The following TDRD12 variants were observed in gnomAD, a reference collection of about 807,000 sequenced individuals.
The protein encoded by TDRD12 is tudor domain containing 12.
A neutral mutation model predicts 133.5 loss-of-function variants in TDRD12; 158 were observed. That is an observed-to-expected ratio of 1.18 (90% confidence interval 1.04 to 1.35). The LOEUF is 1.35. TDRD12 is among the 40% of genes most tolerant of loss of function. TDRD12 has a pLI of 0.00. For missense variants in TDRD12, 1,443 were observed against 1,321.3 expected (o/e 1.09, Z -1.43); for synonymous variants, 460 against 477.9 (o/e 0.96, Z 0.49).
intron 2 of TDRD12, among the ~76,000 whole-genome samples, chr19:32,732,614 A>G (rs553991034): frequency 9.8e-5 from 15 of 152,292 alleles, no homozygotes; most frequent in African/African-American, 3.6e-4. Context: ...TTGCAGACTC[A>G]GCTCTCACTG....
intron 1 of TDRD12, among the ~76,000 whole-genome samples, chr19:32,722,393 A>G (rs1162078565): frequency 1.3e-5 from 2 of 151,906 alleles, no homozygotes; most frequent in Non-Finnish European, 2.9e-5. Flanking sequence ...ATCTGCCCCC[A>G]CTTCTGGCCC....
chr19:32,760,850 A>G (rs569684123), intron 8 of TDRD12, among the ~76,000 whole-genome samples: 34 of 152,186 alleles, frequency 2.2e-4, no homozygotes, highest in Non-Finnish European at 4.4e-4. Flanking sequence ...AATAATCACA[A>G]ACTTACAGAA....
chr19:32,796,445 C>T (rs933159527), intron 14 of TDRD12, among the ~76,000 whole-genome samples: 6 of 151,900 alleles, frequency 3.9e-5, no homozygotes, highest in South Asian at 2.1e-4. Context: ...ATTAGCTGGG[C>T]GTGGTGGCAC....
At chr19:32,724,018 T>C (rs539798843) in intron 1 of TDRD12, among the ~76,000 whole-genome samples, 1 of 151,888 alleles carries the variant, frequency 6.6e-6, no homozygotes, top group Non-Finnish European at 1.5e-5. Context: ...CCCCCACTCC[T>C]GGTTAATTAA....
chr19:32,739,033 C>A (rs114700340), intron 3 of TDRD12, 41 bp downstream of exon 3: 2 of 1,546,546 alleles, frequency 1.3e-6, no homozygotes, highest in African/African-American at 2.7e-5. Flanking sequence ...TTTTCAGAGA[C>A]AAATGTCAGT....
chr19:32,777,531 G>A (rs117152569), intron 11 of TDRD12, among the ~76,000 whole-genome samples: 3,927 of 152,074 alleles, frequency 0.026, 72 homozygotes, highest in Middle Eastern at 0.041. Context: ...TTTTGGGGCT[G>A]TTGATGTTCT....
At chr19:32,740,713 C>G (rs34425841) in intron 3 of TDRD12, among the ~76,000 whole-genome samples, 1 of 152,074 alleles carries the variant, frequency 6.6e-6, no homozygotes, top group Non-Finnish European at 1.5e-5. Context: ...AGAGAAACGC[C>G]TCTCTCCACA....
At chr19:32,808,529 G>A (rs1307137920) in intron 22 of TDRD12, among the ~76,000 whole-genome samples, 2 of 152,082 alleles carry the variant, frequency 1.3e-5, no homozygotes, top group African/African-American at 2.4e-5. Context: ...TGTAAAGGAC[G>A]TTTCATTGGA....
intron 4 of TDRD12, among the ~76,000 whole-genome samples, chr19:32,745,421 A>G (rs1288298101): frequency 2.0e-5 from 3 of 152,218 alleles, no homozygotes; most frequent in Admixed American, 2.0e-4. Flanking sequence ...TTACAGTTTT[A>G]CAGATTTTGT....
At position 32,772,880 on chromosome 19, in the gene TDRD12, A is replaced by C. The variant is rs1360104381; in HGVS notation, c.963+30A>C. On this transcript the variant is annotated intron_variant, in intron 9 of 27. Coordinates refer to ENST00000444215, the Ensembl canonical transcript of TDRD12. ...TATTTTAAAAATGTTCTTTAAATAC[A>C]AAGTTCATATAGTGTTAATTTTCAA... 3.1e-6 allele frequency: 4 copies of C among 1,288,838 alleles called. No homozygotes were observed. In the South Asian group the frequency reaches 5.0e-5, roughly 16 times the overall value. 79.8% of individuals were successfully genotyped at this position (1,288,838 alleles called of 1,614,324 possible). A position where few individuals can be genotyped will look rare whatever the true frequency, so the allele number is the denominator to read the frequency against.
At chr19:32,757,385 C>T (rs1472157250) in intron 8 of TDRD12, among the ~76,000 whole-genome samples, 5 of 152,146 alleles carry the variant, frequency 3.3e-5, no homozygotes, top group African/African-American at 9.7e-5. Flanking sequence ...GCCTAGCCAT[C>T]GACCAGTAAT....
intron 8 of TDRD12, among the ~76,000 whole-genome samples, chr19:32,767,221 T>C (rs144855988): frequency 0.018 from 2,668 of 151,810 alleles, 94 homozygotes; most frequent in African/African-American, 0.061. Context: ...CTCCACGTCC[T>C]GGGTTCAAGC....
chr19:32,741,513 CAAA>C (rs1969425944), intron 3 of TDRD12, among the ~76,000 whole-genome samples: 1 of 152,212 alleles, frequency 6.6e-6, no homozygotes, highest in Admixed American at 6.5e-5. Flanking sequence ...GTAATCGCTG[CAAA>C]AACAATTATT....
At chr19:32,812,055 G>A (rs1356994616) in intron 24 of TDRD12, among the ~76,000 whole-genome samples, 2 of 152,212 alleles carry the variant, frequency 1.3e-5, no homozygotes, top group South Asian at 2.1e-4. Flanking sequence ...TCTGGGCTTC[G>A]TGGGGTAACT....
intron 14 of TDRD12, chr19:32,796,006 G>A (rs1471323653): frequency 3.7e-6 from 1 of 271,740 alleles, no homozygotes; most frequent in Non-Finnish European, 5.6e-6. Flanking sequence ...TTTAACATGA[G>A]ATTTGGGTGG....
chr19:32,735,082 C>G (rs1341822548), intron 2 of TDRD12, among the ~76,000 whole-genome samples: 1 of 152,094 alleles, frequency 6.6e-6, no homozygotes, highest in Non-Finnish European at 1.5e-5. Context: ...ACAATGGCCC[C>G]TAAGTGTTCA....
intron 4 of TDRD12, among the ~76,000 whole-genome samples, chr19:32,743,953 G>A (rs192103401): frequency 2.2e-3 from 332 of 150,140 alleles, no homozygotes; most frequent in African/African-American, 8.0e-3. Context: ...GCTTGAACCC[G>A]GGAGGCAGAG....
At chr19:32,779,920 C>T (rs1419591297) in intron 11 of TDRD12, among the ~76,000 whole-genome samples, 1 of 152,104 alleles carries the variant, frequency 6.6e-6, no homozygotes. Context: ...GCTCTCTCTG[C>T]AGTTCTTTGT....
At position 32,802,638 on chromosome 19, in the gene TDRD12, C is replaced by G. The variant is rs1351852488; in HGVS notation, c.2198-18C>G. ...GTAACTCCAGCGCGTGTGACATTGT[C>G]GGACTCCCTCTCTGCAGCCCTCACA... On this transcript the variant is annotated intron_variant, in intron 19 of 27. Transcript: ENST00000444215. 2.6e-6 allele frequency: 4 copies of G among 1,534,582 alleles called. No homozygotes were observed. Among genetic ancestry groups the G allele is most frequent in the Admixed American group, 2.0e-5 (1 of 50,968 alleles).
Sources: gnomAD v4.1 joint callset for allele counts (sites outside exome capture counted in the v4.1 genomes callset) on GRCh38, gnomAD v4.1.1 for gene constraint, MANE v1.5 for transcripts, NCBI Gene and HGNC (gene_info 2026-07-23, HGNC 2026-07-21) for gene names.